Variants in VAV1 observed in about 807,000 individuals in gnomAD.
The protein encoded by VAV1 is vav guanine nucleotide exchange factor 1, also known as proto-oncogene vav.
Under a neutral mutation model 128.1 loss-of-function variants are expected in VAV1, and 33 were observed. The observed-to-expected ratio is 0.26, with a 90% CI of 0.20 to 0.34. The LOEUF (loss-of-function observed/expected upper bound fraction) is 0.34. VAV1 is among the 10% of genes least tolerant of loss of function. The probability of loss-of-function intolerance (pLI) is 1.00; values close to 1 mark genes in which losing one functional copy is unlikely to be tolerated. For missense variants in VAV1, 715 were observed against 1,093.7 expected (o/e 0.65, Z 4.88); for synonymous variants, 394 against 409.8 (o/e 0.96, Z 0.47).
intron 1 of VAV1, among the ~76,000 whole-genome samples, chr19:6,793,228 G>A (rs1462649740): frequency 3.3e-5 from 5 of 152,030 alleles, no homozygotes; most frequent in Admixed American, 1.3e-4. Context: ...CAGCTACTCC[G>A]GAGGCTGAGG....
In VAV1 at chr19:6,828,192, C is replaced by A. The variant is rs1247328030; in HGVS notation, c.1023+21C>A. On this transcript the variant is annotated intron_variant, in intron 10 of 26. Transcript: ENST00000602142. The surrounding 1 kb of genome is among the most constrained non-coding windows in gnomAD (Gnocchi z 4.5). ...TCCAGGTGCCAGGCACATCTCTAGG[C>A]GTGGGCTCCACGTACCTACTCTCCT... The A allele has an allele frequency of 2.5e-6, 4 of 1,612,896 alleles. No individual in the cohort carries two copies. The highest frequency in any genetic ancestry group is 3.4e-6 in the Non-Finnish European group (4 of 1,179,134).
intron 1 of VAV1, among the ~76,000 whole-genome samples, chr19:6,778,761 G>A (rs114883015): frequency 6.6e-6 from 1 of 151,062 alleles, no homozygotes; most frequent in African/African-American, 2.4e-5. Context: ...ACCCAATTTT[G>A]CCTGGGTGTG....
rs1458915412 is a variant in VAV1, at chr19:6,817,975, C to T, written c.205-2727C>T. On this transcript the variant is annotated intron_variant, in intron 1 of 26. Coordinates refer to ENST00000602142, the MANE Select transcript of VAV1 (RefSeq NM_005428.4). ...TGCTGGGATTACAGGCATGAGCCAC[C>T]ACGCCCAGCCTTAAATTTGTTTTTG... 2.6e-5 allele frequency among the ~76,000 whole-genome samples: 4 copies of T among 152,262 alleles called. 1 individual carries two copies. The East Asian group carries it at 5.8e-4, about 22-fold the overall frequency.
At chr19:6,810,029 C>T (rs1012433631) in intron 1 of VAV1, among the ~76,000 whole-genome samples, 7 of 151,822 alleles carry the variant, frequency 4.6e-5, no homozygotes, top group South Asian at 2.1e-4. Context: ...ATAAAAATAA[C>T]GTTATCTGGG....
chr19:6,781,655 T>C (rs1970769185), intron 1 of VAV1, among the ~76,000 whole-genome samples: 1 of 151,798 alleles, frequency 6.6e-6, no homozygotes, highest in South Asian at 2.1e-4. Flanking sequence ...TTGTACAGGC[T>C]GCAGTGTAGT....
intron 25 of VAV1, 141 bp downstream of exon 25, chr19:6,853,220 G>C (rs1972710762): frequency 2.8e-6 from 1 of 352,000 alleles, no homozygotes; most frequent in Non-Finnish European, 5.3e-6. Flanking sequence ...TTCCACTCCT[G>C]TCTATCCCTT....
chr19:6,841,134 C>T lies in VAV1; in HGVS notation c.1981-2001C>T, dbSNP rs570259896. On this transcript the variant is annotated intron_variant, in intron 21 of 26. Coordinates refer to ENST00000602142, the MANE Select transcript of VAV1 (RefSeq NM_005428.4). Reference sequence around the variant, plus strand: ...TTCATCATGTTGCCCAGGCTGGTCTCGAACTCCTGGGCTCAAGAGACCCAC... The same window carrying T: ...TTCATCATGTTGCCCAGGCTGGTCTTGAACTCCTGGGCTCAAGAGACCCAC... Among the ~76,000 whole-genome samples the T allele has an allele frequency of 3.9e-5, 6 of 151,998 alleles. 1 individual carries two copies. The South Asian group carries it at 6.2e-4, about 16-fold the overall frequency.
At chr19:6,852,139 G>C (rs1972684724) in intron 24 of VAV1, among the ~76,000 whole-genome samples, 1 of 152,124 alleles carries the variant, frequency 6.6e-6, no homozygotes, top group South Asian at 2.1e-4. Flanking sequence ...TCAGCCTCCT[G>C]AATAGCTGAG....
intron 1 of VAV1, among the ~76,000 whole-genome samples, chr19:6,774,276 C>T (rs1428694477): frequency 6.6e-5 from 10 of 151,830 alleles, no homozygotes; most frequent in Middle Eastern, 3.4e-3. Context: ...TACAGGCGCC[C>T]GCCACCACGC....
chr19:6,833,680 C>G (rs763819169), intron 17 of VAV1, 31 bp from the exon 18 acceptor site: 3 of 1,614,096 alleles, frequency 1.9e-6, no homozygotes, highest in South Asian at 2.2e-5. Context: ...GAGGATTTCC[C>G]GTTCTCACCA....
At chr19:6,821,124 G>A (rs1017839184) in intron 2 of VAV1, among the ~76,000 whole-genome samples, 43 of 152,290 alleles carry the variant, frequency 2.8e-4, no homozygotes, top group African/African-American at 9.1e-4. Context: ...ATAGAGGGCC[G>A]GGCGCAGTGG....
At chr19:6,829,952 C>T in intron 14 of VAV1, 34 bp downstream of exon 14, 2 of 1,613,436 alleles carry the variant, frequency 1.2e-6, no homozygotes, top group Non-Finnish European at 8.5e-7. Flanking sequence ...TGGGGTCCTC[C>T]ACGCAGTCGG....
intron 1 of VAV1, among the ~76,000 whole-genome samples, chr19:6,813,915 C>G (rs1971566099): frequency 6.6e-6 from 1 of 151,896 alleles, no homozygotes; most frequent in African/African-American, 2.4e-5. Context: ...AAAAAATTAG[C>G]CAGGTATGAT....
chr19:6,837,154 G>C, intron 21 of VAV1, 104 bp downstream of exon 21: 2 of 1,186,476 alleles, frequency 1.7e-6, no homozygotes, highest in Non-Finnish European at 2.5e-6. Flanking sequence ...GGAGGGGGCT[G>C]CCCATCATGG....
chr19:6,814,374 C>G (rs1028079943), intron 1 of VAV1, among the ~76,000 whole-genome samples: 1 of 152,060 alleles, frequency 6.6e-6, no homozygotes, highest in Non-Finnish European at 1.5e-5. Flanking sequence ...CCTCTTGCTC[C>G]GGAAGCAACC....
intron 1 of VAV1, among the ~76,000 whole-genome samples, chr19:6,806,378 C>T (rs114565652): frequency 0.043 from 6,529 of 152,256 alleles, 262 homozygotes; most frequent in African/African-American, 0.11. Context: ...AGCCACCATG[C>T]ACGGCCAACA....
chr19:6,778,727 AAAAAC>A (rs79565466), intron 1 of VAV1, among the ~76,000 whole-genome samples: 6 of 151,626 alleles, frequency 4.0e-5, no homozygotes, highest in Non-Finnish European at 5.9e-5. Flanking sequence ...CTTTGTCTCA[AAAAAC>A]AAAACAAAAC....
intron 1 of VAV1, among the ~76,000 whole-genome samples, chr19:6,780,064 T>TAG (rs1214496107): frequency 3.4e-5 from 5 of 146,832 alleles, no homozygotes; most frequent in African/African-American, 1.2e-4. Context: ...TGAGCCGAGA[T>TAG]CAGGCCACTG....
chr19:6,818,786 C>T (rs967580754), intron 1 of VAV1, among the ~76,000 whole-genome samples: 3 of 152,036 alleles, frequency 2.0e-5, no homozygotes, highest in Non-Finnish European at 1.5e-5. Flanking sequence ...TGAAATGAGC[C>T]CTTAGAGGAA....
Sources: gnomAD v4.1 joint callset for allele counts (sites outside exome capture counted in the v4.1 genomes callset) on GRCh38, gnomAD v4.1.1 for gene constraint, Gnocchi (gnomAD v3.1) non-coding constraint, MANE v1.5 for transcripts, NCBI Gene and HGNC (gene_info 2026-07-23, HGNC 2026-07-21) for gene names.